Variants in TSPAN9 observed in about 807,000 individuals in gnomAD.
TSPAN9 encodes the protein tetraspanin 9.
A neutral mutation model predicts 31.0 loss-of-function variants in TSPAN9; 16 were observed. The observed-to-expected ratio is 0.52, with a 90% CI of 0.35 to 0.78. The LOEUF (loss-of-function observed/expected upper bound fraction) is 0.78, where lower values mean the gene tolerates loss of function less well. TSPAN9 is among the 30% of genes least tolerant of loss of function. The pLI, the probability that TSPAN9 is intolerant of heterozygous loss-of-function variation, is 0.01. For missense variants in TSPAN9, 272 were observed against 312.5 expected (o/e 0.87, Z 0.98); for synonymous variants, 145 against 121.6 (o/e 1.19, Z -1.27).
At chr12:3,219,018 T>C (rs1367818527) in intron 3 of TSPAN9, among the ~76,000 whole-genome samples, 4 of 152,222 alleles carry the variant, frequency 2.6e-5, no homozygotes. Context: ...TTTTCTGTTG[T>C]GTCTGAGTTG....
chr12:3,175,048 C>T (rs886685063), intron 2 of TSPAN9, among the ~76,000 whole-genome samples: 3 of 152,164 alleles, frequency 2.0e-5, no homozygotes, highest in Non-Finnish European at 2.9e-5. Context: ...CGCAGCTCTG[C>T]GCCTTGTGTG....
At chr12:3,271,120 A>C (rs1862669212) in intron 3 of TSPAN9, among the ~76,000 whole-genome samples, 1 of 152,252 alleles carries the variant, frequency 6.6e-6, no homozygotes, top group African/African-American at 2.4e-5. Flanking sequence ...AATTAGGCAC[A>C]AAAATATGGG....
At chr12:3,226,793 TA>T (rs1372756763) in intron 3 of TSPAN9, among the ~76,000 whole-genome samples, 2 of 34,484 alleles carry the variant, frequency 5.8e-5, no homozygotes, top group African/African-American at 1.6e-4. Context: ...TATATATATA[TA>T]TTTTTTTTTT....
chr12:3,109,317 T>A (rs371174658), intron 2 of TSPAN9, among the ~76,000 whole-genome samples: 7 of 129,444 alleles, frequency 5.4e-5, no homozygotes, highest in Non-Finnish European at 8.1e-5. Context: ...AGTGTGTGTG[T>A]GTGTGTGTGT....
At chr12:3,239,792 A>G (rs11062589) in intron 3 of TSPAN9, among the ~76,000 whole-genome samples, 67,193 of 151,832 alleles carry the variant, frequency 0.44, 15,034 homozygotes, top group Non-Finnish European at 0.47. Flanking sequence ...CTGATGGGGA[A>G]GGGTGGAAAA....
At chr12:3,130,372 C>T (rs2098329300) in intron 2 of TSPAN9, among the ~76,000 whole-genome samples, 1 of 152,296 alleles carries the variant, frequency 6.6e-6, no homozygotes, top group East Asian at 1.9e-4. Flanking sequence ...TTTTCTTGTT[C>T]GCGTCAGCTA....
chr12:3,140,806 G>A (rs11062526), intron 2 of TSPAN9, among the ~76,000 whole-genome samples: 37,356 of 151,948 alleles, frequency 0.25, 5,187 homozygotes, highest in Non-Finnish European at 0.32. Context: ...GGAAAGCCCA[G>A]GGGAAGAGTG....
At chr12:3,248,862 C>G (rs902137407) in intron 3 of TSPAN9, among the ~76,000 whole-genome samples, 3 of 152,164 alleles carry the variant, frequency 2.0e-5, no homozygotes, top group African/African-American at 7.2e-5. Flanking sequence ...AAAAGTCCTC[C>G]TTGGTCCTCT....
At chr12:3,203,429 G>A (rs2098373153) in intron 3 of TSPAN9, among the ~76,000 whole-genome samples, 3 of 152,220 alleles carry the variant, frequency 2.0e-5, no homozygotes, top group South Asian at 2.1e-4. Context: ...CTCTCCGAGC[G>A]CCATAGCTAT....
At chr12:3,217,934 G>T (rs2098382203) in intron 3 of TSPAN9, among the ~76,000 whole-genome samples, 2 of 152,178 alleles carry the variant, frequency 1.3e-5, no homozygotes, top group Non-Finnish European at 2.9e-5. Flanking sequence ...GGTTGATGAT[G>T]AGACTACTTT....
chr12:3,150,787 C>CGCCTG (rs999103983), intron 2 of TSPAN9, among the ~76,000 whole-genome samples: 3 of 152,270 alleles, frequency 2.0e-5, no homozygotes, highest in Admixed American at 1.3e-4. Context: ...CTTCACCCCA[C>CGCCTG]GCCTGGCCTG....
chr12:3,236,582 G>A (rs916866301), intron 3 of TSPAN9, among the ~76,000 whole-genome samples: 1 of 152,186 alleles, frequency 6.6e-6, no homozygotes, highest in Non-Finnish European at 1.5e-5. Context: ...GCTGTTGGCC[G>A]GATCTGAGTC....
chr12:3,181,690 A>G (rs2098358653), intron 2 of TSPAN9, among the ~76,000 whole-genome samples: 1 of 152,136 alleles, frequency 6.6e-6, no homozygotes, highest in Admixed American at 6.5e-5. Flanking sequence ...CCAAAGTCAC[A>G]TTGTCCCTAG....
At chr12:3,249,513 C>T (rs1394900088) in intron 3 of TSPAN9, among the ~76,000 whole-genome samples, 2 of 152,244 alleles carry the variant, frequency 1.3e-5, no homozygotes, top group African/African-American at 4.8e-5. Context: ...CTTTGCCTCC[C>T]TCCTACAATC....
chr12:3,256,652 G>A (rs1862352587), intron 3 of TSPAN9, among the ~76,000 whole-genome samples: 1 of 152,190 alleles, frequency 6.6e-6, no homozygotes, highest in African/African-American at 2.4e-5. Context: ...CAGGAGGTCA[G>A]ATAAGCTCCC....
chr12:3,121,957 C>G (rs1454249494), intron 2 of TSPAN9, among the ~76,000 whole-genome samples: 1 of 152,168 alleles, frequency 6.6e-6, no homozygotes, highest in Non-Finnish European at 1.5e-5. Flanking sequence ...AGTGTTCCAG[C>G]TTGAGTCTGT....
intron 2 of TSPAN9, among the ~76,000 whole-genome samples, chr12:3,098,967 G>A (rs556517612): frequency 8.5e-5 from 13 of 152,226 alleles, no homozygotes; most frequent in African/African-American, 2.9e-4. Context: ...TGGCCAGGCT[G>A]GTCTCGAACT....
intron 3 of TSPAN9, among the ~76,000 whole-genome samples, chr12:3,234,905 C>A (rs967155275): frequency 1.3e-5 from 2 of 150,432 alleles, no homozygotes; most frequent in Admixed American, 1.3e-4. Context: ...TTACGCCTGT[C>A]ATCCCAGCAC....
In TSPAN9 at chr12:3,282,276, G is replaced by A. The variant is rs556536383; in HGVS notation, c.648+459G>A. Among the ~76,000 whole-genome samples, 7 of 152,354 alleles carry A rather than the reference G, an allele frequency of 4.6e-5. No individual in the cohort carries two copies. In the South Asian group the frequency reaches 1.4e-3, roughly 32 times the overall value. On this transcript the variant is annotated intron_variant, in intron 8 of 8. Coordinates refer to ENST00000011898, the MANE Select transcript of TSPAN9 (RefSeq NM_006675.5). ...CCTTTGAGGATTCAGGAGGGAAGGGGCACAAACGAGTAGTGACGTGGTCCT... is the reference window on the plus strand; with the variant it reads ...CCTTTGAGGATTCAGGAGGGAAGGGACACAAACGAGTAGTGACGTGGTCCT...
Sources: gnomAD v4.1 joint callset for allele counts (sites outside exome capture counted in the v4.1 genomes callset) on GRCh38, gnomAD v4.1.1 for gene constraint, MANE v1.5 for transcripts, NCBI Gene and HGNC (gene_info 2026-07-23, HGNC 2026-07-21) for gene names.